STRN3: variants seen among roughly 807,000 people sequenced by gnomAD.
The protein encoded by STRN3 is striatin-3.
In STRN3, 29 loss-of-function variants were observed where a neutral mutation model predicts 95.6. The ratio of observed to expected loss-of-function variants is 0.30; its 90% CI spans 0.23 to 0.41. The LOEUF is 0.41. Among genes scored for constraint, STRN3 ranks in the 10% least tolerant of loss-of-function variants. STRN3 has a pLI of 1.00. For synonymous variants in STRN3, 331 were observed against 357.6 expected, an observed-to-expected ratio of 0.93 and a Z score of 0.84; for missense variants, 890 against 972.1, an observed-to-expected ratio of 0.92 and a Z score of 1.12.
At chr14:30,955,717 TA>T in intron 2 of STRN3, 24 bp from the exon 3 acceptor site, 1 of 1,549,900 alleles carries the variant, frequency 6.5e-7, no homozygotes, top group Non-Finnish European at 8.7e-7. Flanking sequence ...CACAAATTAG[TA>T]AAATCACAAC....
chr14:30,929,240 G>A lies in STRN3; in HGVS notation c.1060C>T (p.Gln354Ter). ...TTCCCCTTTCGTTCCTTCTTGTACTGTTCCTTCAGTTTACTTATTAGTCCC... is the reference window on the plus strand; with the variant it reads ...TTCCCCTTTCGTTCCTTCTTGTACTATTCCTTCAGTTTACTTATTAGTCCC... ...DQGLISKLKE[Q>*]YKKERKGKKG... is the part of the protein sequence containing the mutation. Residue 354 changes from glutamine to a stop codon, truncating the protein, a stop_gained, in exon 8 of 18, where the codon CAG becomes TAG. Coordinates refer to ENST00000357479, the MANE Select transcript of STRN3 (RefSeq NM_001083893.2). LOFTEE classifies it high-confidence loss of function. The A allele has an allele frequency of 6.2e-7, 1 of 1,613,064 alleles. No homozygotes were observed. Among genetic ancestry groups the A allele is most frequent in the Non-Finnish European group, 8.5e-7 (1 of 1,179,546 alleles).
chr14:30,908,051 G>GT (rs1490082742), intron 13 of STRN3, among the ~76,000 whole-genome samples: 2 of 152,072 alleles, frequency 1.3e-5, no homozygotes, highest in African/African-American at 4.8e-5. Flanking sequence ...AATGATTAGT[G>GT]TCTAAAGGTA....
chr14:30,947,192 C>G lies in STRN3; in HGVS notation c.614G>C (p.Gly205Ala). The change falls in exon 5 of 18, where the codon GGA becomes GCA. Residue 205 changes from glycine to alanine, a missense_variant. Gly to Ala is a moderately conservative substitution (Grantham distance 60). This residue lies in a region of STRN3 where 526 missense variants were observed against 526.3 expected (regional missense o/e 1.00). Coordinates refer to ENST00000357479, the MANE Select transcript of STRN3 (RefSeq NM_001083893.2). The part of the protein sequence containing the change: ...VRSQRVRSLL[G>A]LSNSEPNGSV... Reference sequence around the variant, plus strand: ...TCCATTTGGTTCTGAATTAGATAGTCCAAGTAATGACCTTACCCGCTGAGA... The same window carrying G: ...TCCATTTGGTTCTGAATTAGATAGTGCAAGTAATGACCTTACCCGCTGAGA... 6.2e-7 allele frequency: 1 copy of G among 1,613,126 alleles called. No individual in the cohort carries two copies. Among genetic ancestry groups the G allele is most frequent in the Non-Finnish European group, 8.5e-7 (1 of 1,179,560 alleles).
intron 1 of STRN3, among the ~76,000 whole-genome samples, chr14:31,023,002 C>T (rs1427586758): frequency 6.6e-6 from 1 of 152,124 alleles, no homozygotes; most frequent in Non-Finnish European, 1.5e-5. Flanking sequence ...TTTCCATTTT[C>T]AGGGTTTTCA....
rs139178477 is a variant in STRN3 at position 31,024,744 on chromosome 14, T to C, written c.282+1160A>G. ...TGCCTAACGATTCACCATAGGCATA[T>C]GACATATATGACAGCAAATACTGCT... is the stretch of plus-strand genomic sequence containing the variant. On this transcript the variant is annotated intron_variant, in intron 1 of 17. Transcript: ENST00000357479. Among the ~76,000 whole-genome samples, 715 of 152,282 alleles carry C rather than the reference T, an allele frequency of 4.7e-3. 3 individuals carry two copies. Among genetic ancestry groups the C allele is most frequent in the Middle Eastern group, 6.8e-3 (2 of 294 alleles).
chr14:30,900,725 G>A (rs888426454), intron 16 of STRN3, among the ~76,000 whole-genome samples: 3 of 148,116 alleles, frequency 2.0e-5, no homozygotes, highest in African/African-American at 7.5e-5. Flanking sequence ...CTATAGCTCT[G>A]GGCAACAGAG....
intron 1 of STRN3, among the ~76,000 whole-genome samples, chr14:30,957,183 G>A (rs558711656): frequency 5.3e-5 from 8 of 150,060 alleles, no homozygotes; most frequent in South Asian, 2.1e-4. Context: ...GGCCGAGCGC[G>A]GCGGCTCACG....
In STRN3 at chr14:30,894,913, C is replaced by G. The variant is rs868634240; in HGVS notation, c.*498G>C. 4.0e-6 allele frequency: 4 copies of G among 999,760 alleles called. No individual in the cohort carries two copies. Among genetic ancestry groups the G allele is most frequent in the Non-Finnish European group, 5.0e-6 (4 of 799,228 alleles). 61.9% of individuals were successfully genotyped at this position (999,760 alleles called of 1,614,324 possible). A position where few individuals can be genotyped will look rare whatever the true frequency, so the allele number is the denominator to read the frequency against. On this transcript the variant is annotated 3_prime_UTR_variant, in exon 18 of 18. Coordinates refer to ENST00000357479, the MANE Select transcript of STRN3 (RefSeq NM_001083893.2). ...TTTTTCTTTTTTTTTTTTTTTAAAG[C>G]AAAATAAGTTTAAAAGGGAATCTGT... is the stretch of plus-strand genomic sequence containing the variant.
chr14:30,910,574 CT>C (rs540290515), intron 13 of STRN3, among the ~76,000 whole-genome samples: 48 of 145,574 alleles, frequency 3.3e-4, no homozygotes, highest in South Asian at 4.3e-4. Flanking sequence ...GGTTTCCTTT[CT>C]TTTTTTTTTT....
chr14:30,988,050 T>A (rs992920135), intron 1 of STRN3, among the ~76,000 whole-genome samples: 5 of 152,222 alleles, frequency 3.3e-5, no homozygotes, highest in Non-Finnish European at 5.9e-5. Flanking sequence ...TTCTCACTTC[T>A]TGCAGTGCTT....
At chr14:30,901,388 A>G (rs1277895337) in intron 16 of STRN3, among the ~76,000 whole-genome samples, 1 of 152,226 alleles carries the variant, frequency 6.6e-6, no homozygotes, top group Non-Finnish European at 1.5e-5. Flanking sequence ...AATTTGTTAA[A>G]AAGAATCTGT....
At chr14:30,957,127 C>T (rs1879950199) in intron 1 of STRN3, among the ~76,000 whole-genome samples, 1 of 151,888 alleles carries the variant, frequency 6.6e-6, no homozygotes, top group Non-Finnish European at 1.5e-5. Context: ...CACTGCATTC[C>T]AGCCTGGGCA....
intron 13 of STRN3, among the ~76,000 whole-genome samples, chr14:30,909,287 T>C (rs1184140300): frequency 1.3e-5 from 2 of 152,146 alleles, no homozygotes; most frequent in African/African-American, 4.8e-5. Flanking sequence ...GGCAGATCAC[T>C]TGAGCCCAGG....
chr14:30,965,094 C>CTT (rs1177311122), intron 1 of STRN3, among the ~76,000 whole-genome samples: 2 of 152,044 alleles, frequency 1.3e-5, no homozygotes, highest in Non-Finnish European at 2.9e-5. Flanking sequence ...TATTGACTTC[C>CTT]TTTCTTGCAG....
intron 1 of STRN3, among the ~76,000 whole-genome samples, chr14:30,966,577 A>T (rs954426139): frequency 6.6e-6 from 1 of 152,196 alleles, no homozygotes; most frequent in African/African-American, 2.4e-5. Context: ...AACCTAGCTT[A>T]AAGGATCCTC....
chr14:30,957,269 A>G (rs1221673297), intron 1 of STRN3, among the ~76,000 whole-genome samples: 3 of 152,140 alleles, frequency 2.0e-5, no homozygotes, highest in Non-Finnish European at 4.4e-5. Flanking sequence ...CCTGGCTAAC[A>G]CGGTGAAACC....
chr14:31,001,292 T>C (rs937200494), intron 1 of STRN3, among the ~76,000 whole-genome samples: 7 of 152,110 alleles, frequency 4.6e-5, no homozygotes, highest in Non-Finnish European at 8.8e-5. Flanking sequence ...TGCCAGCACT[T>C]TGGGAGGCCA....
At chr14:30,908,657 T>C (rs1042805441) in intron 13 of STRN3, among the ~76,000 whole-genome samples, 8 of 152,224 alleles carry the variant, frequency 5.3e-5, no homozygotes, top group African/African-American at 1.7e-4. Context: ...TTCTTTAGTG[T>C]GCGCTTCCAT....
At chr14:30,975,542 G>GAAA (rs538959303) in intron 1 of STRN3, among the ~76,000 whole-genome samples, 2 of 30,432 alleles carry the variant, frequency 6.6e-5, no homozygotes, top group Admixed American at 3.6e-4. Flanking sequence ...CCCCCCTACT[G>GAAA]AAAAAAAAAA....
Sources: gnomAD v4.1 joint callset for allele counts (sites outside exome capture counted in the v4.1 genomes callset) on GRCh38, gnomAD v4.1.1 for gene constraint, gnomAD v4.1.1 regional missense constraint, MANE v1.5 for transcripts, NCBI Gene and HGNC (gene_info 2026-07-23, HGNC 2026-07-21) for gene names.